The following HYLS1 variants were observed in gnomAD, a reference collection of about 807,000 sequenced individuals.
HYLS1 encodes centriolar and ciliogenesis-associated protein HYLS1.
In HYLS1, 25 loss-of-function variants were observed where a neutral mutation model predicts 29.4. The ratio of observed to expected loss-of-function variants is 0.85; its 90% confidence interval spans 0.62 to 1.19. HYLS1 has a LOEUF of 1.19. Ranked by LOEUF, HYLS1 falls within the 50% of genes most tolerant of loss-of-function variation. HYLS1 has a pLI of 0.00. For missense variants in HYLS1, 352 were observed against 365.1 expected (o/e 0.96, Z 0.29); for synonymous variants, 128 against 126.7 (o/e 1.01, Z -0.07).
intron 2 of HYLS1, chr11:125,893,715 A>ATTTTTTTTTTT (rs35423925): frequency 1.1e-6 from 1 of 924,570 alleles, no homozygotes. Flanking sequence ...TTGCAAGTAA[A>ATTTTTTTTTTT]TTTTTTTTTT....
At chr11:125,894,113 G>T (rs1944501510) in intron 2 of HYLS1, 1 of 1,613,924 alleles carries the variant, frequency 6.2e-7, no homozygotes, top group Admixed American at 1.7e-5. Context: ...ACAGGGTACT[G>T]GAACAGTGTC....
At chr11:125,893,100 C>CA (rs1944458394) in intron 2 of HYLS1, among the ~76,000 whole-genome samples, 1 of 152,326 alleles carries the variant, frequency 6.6e-6, no homozygotes, top group African/African-American at 2.4e-5. Flanking sequence ...TGCCTATAGT[C>CA]ACTAGCCCAA....
chr11:125,895,123 T>C, intron 2 of HYLS1: 1 of 894,482 alleles, frequency 1.1e-6, no homozygotes, highest in East Asian at 2.6e-5. Context: ...CTCAGCTCAG[T>C]GCAACCTCCG....
chr11:125,898,643 C>T (rs886675564), intron 2 of HYLS1, among the ~76,000 whole-genome samples: 2 of 151,974 alleles, frequency 1.3e-5, no homozygotes, highest in African/African-American at 4.8e-5. Context: ...TGCCACTGCA[C>T]TCCAGCCTAG....
Position 125,900,224 on chromosome 11 carries a change from G to A in HYLS1, c.856G>A (p.Gly286Ser), listed in dbSNP as rs754852161. 2 of 1,614,084 alleles carry A rather than the reference G, an allele frequency of 1.2e-6. No individual in the cohort carries two copies. Among genetic ancestry groups the A allele is most frequent in the Admixed American group, 3.3e-5 (2 of 60,016 alleles). The change falls in exon 3 of 3, where the codon GGT becomes AGT. Residue 286 changes from glycine (G) to serine (S), a missense_variant. Gly to Ser is a moderately conservative substitution (Grantham distance 56). Coordinates refer to ENST00000425380, the MANE Select transcript of HYLS1 (RefSeq NM_001134793.2). Reference protein sequence around the residue: ...RWGVRCDLANGVIPRKLPFPL... With the variant: ...RWGVRCDLANSVIPRKLPFPL... ...GGGTGTTCGTTGTGACCTTGCAAAT[G>A]GTGTCATACCCAGGAAGCTTCCCTT...
At position 125,894,082 on chromosome 11, in the gene HYLS1, A is replaced by G. The variant is rs140139093; in HGVS notation, c.-26+2610A>G. The G allele has an allele frequency of 1.4e-4, 225 of 1,613,956 alleles. No homozygotes were observed. Among genetic ancestry groups the G allele is most frequent in the Admixed American group, 4.3e-4 (26 of 59,988 alleles). On this transcript the variant is annotated intron_variant, in intron 2 of 2. Transcript: ENST00000425380. ...TAACATTTCCCCATTCTGTCATTCC[A>G]TCCATCTTTGGTCCTATTCCACAGG...
At position 125,899,397 on chromosome 11, in the gene HYLS1, T is replaced by A; in HGVS notation, c.29T>A (p.Ile10Lys). Residue 10 changes from isoleucine to lysine, a missense_variant, in exon 3 of 3, where the codon ATA (isoleucine) becomes AAA (lysine). By Grantham distance (102) the Ile-to-Lys change is moderately radical. Coordinates refer to ENST00000425380, the MANE Select transcript of HYLS1 (RefSeq NM_001134793.2). ...GAAGAACTTCTACCTGATGGACAAA[T>A]ATGGGCTAATATGGATCCAGAAGAA... MEELLPDGQ[I>K]WANMDPEERM... is the part of the protein sequence containing the mutation. 6.2e-7 allele frequency: 1 copy of A among 1,614,144 alleles called. No homozygotes were observed. The highest frequency in any genetic ancestry group is 8.5e-7 in the Non-Finnish European group (1 of 1,180,030).
chr11:125,895,163 C>T, intron 2 of HYLS1: 1 of 1,383,920 alleles, frequency 7.2e-7, no homozygotes, highest in Non-Finnish European at 9.7e-7. Context: ...TCTTGTGCCT[C>T]AAGCGTCCCG....
chr11:125,899,706 C>A lies in HYLS1; in HGVS notation c.338C>A (p.Ser113Ter), dbSNP rs746276069. The A allele has an allele frequency of 6.2e-7, 1 of 1,614,024 alleles. No individual in the cohort carries two copies. Among genetic ancestry groups the A allele is most frequent in the Non-Finnish European group, 8.5e-7 (1 of 1,179,962 alleles). The part of the protein sequence containing the change: ...PDGEVLVTDE[S>*]IISESESGTE... ...GGGGAAGTATTAGTAACAGATGAGT[C>A]GATTATCAGTGAATCAGAATCTGGT... Residue 113 changes from serine to a stop codon, truncating the protein, a stop_gained, in exon 3 of 3, where the codon TCG becomes TAG. Transcript: ENST00000425380. LOFTEE classifies it high-confidence loss of function.
rs541275291 is a variant in HYLS1 at position 125,894,742 on chromosome 11, T to C, written c.-26+3270T>C. ...GAAGTACAGTAGGATGACTACTCAG[T>C]GATATAAAACAAGCAAGATTTAATA... On this transcript the variant is annotated intron_variant, in intron 2 of 2. Coordinates refer to ENST00000425380, the MANE Select transcript of HYLS1 (RefSeq NM_001134793.2). Among the ~76,000 whole-genome samples the C allele has an allele frequency of 3.0e-4, 45 of 152,308 alleles. No individual in the cohort carries two copies. The South Asian group carries it at 7.5e-3, about 25-fold the overall frequency.
At chr11:125,899,261 G>GC in intron 2 of HYLS1, 83 bp from the exon 3 acceptor site, 1 of 926,904 alleles carries the variant, frequency 1.1e-6, no homozygotes, top group Non-Finnish European at 1.7e-6. Context: ...CCATTTGACT[G>GC]CTATAAAACG....
At chr11:125,884,240 G>C (rs1439795425), upstream of HYLS1, among the ~76,000 whole-genome samples, 1 of 152,206 alleles carries the variant, frequency 6.6e-6, no homozygotes, top group Admixed American at 6.5e-5. Context: ...TTTAAAAAAA[G>C]AAAGACAAGT....
intron 2 of HYLS1, among the ~76,000 whole-genome samples, chr11:125,892,823 T>C (rs1944450225): frequency 6.6e-6 from 1 of 152,236 alleles, no homozygotes; most frequent in South Asian, 2.1e-4. Context: ...TGTAAATTTT[T>C]TCAGTGGCCC....
At chr11:125,888,988 TCAAA>T (rs1366961610) in intron 1 of HYLS1, among the ~76,000 whole-genome samples, 1 of 152,142 alleles carries the variant, frequency 6.6e-6, no homozygotes, top group Non-Finnish European at 1.5e-5. Flanking sequence ...CAGATAACCA[TCAAA>T]CACTGTTCAC....
intron 2 of HYLS1, chr11:125,893,714 A>AG: frequency 2.3e-6 from 3 of 1,312,310 alleles, no homozygotes; most frequent in Non-Finnish European, 3.0e-6. Flanking sequence ...CTTGCAAGTA[A>AG]ATTTTTTTTT....
chr11:125,897,336 G>A (rs531212882), intron 2 of HYLS1, among the ~76,000 whole-genome samples: 5 of 152,040 alleles, frequency 3.3e-5, no homozygotes, highest in East Asian at 3.9e-4. Context: ...AGTAGGAAAG[G>A]CATTTCTAAG....
intron 1 of HYLS1, among the ~76,000 whole-genome samples, chr11:125,890,431 A>ATGTTT (rs1047883762): frequency 6.6e-6 from 1 of 151,904 alleles, no homozygotes; most frequent in Non-Finnish European, 1.5e-5. Flanking sequence ...TTGTGGTAGG[A>ATGTTT]TGTTTTGTTT....
chr11:125,888,619 A>C (rs1228720629), intron 1 of HYLS1, among the ~76,000 whole-genome samples: 1 of 151,564 alleles, frequency 6.6e-6, no homozygotes, highest in Non-Finnish European at 1.5e-5. Flanking sequence ...AAATACAAAA[A>C]TTGGCCGGGC....
chr11:125,895,563 G>A (rs189235230), intron 2 of HYLS1: 2 of 1,614,180 alleles, frequency 1.2e-6, no homozygotes, highest in South Asian at 1.1e-5. Flanking sequence ...ATCTAAATCA[G>A]CACGAGGGAA....
Sources: gnomAD v4.1 joint callset for allele counts (sites outside exome capture counted in the v4.1 genomes callset) on GRCh38, gnomAD v4.1.1 for gene constraint, MANE v1.5 for transcripts, NCBI Gene and HGNC (gene_info 2026-07-23, HGNC 2026-07-21) for gene names.